Variants in ADAMTS2 observed in about 807,000 individuals in gnomAD.
The protein encoded by ADAMTS2 is ADAM metallopeptidase with thrombospondin type 1 motif 2, also known as A disintegrin and metalloproteinase with thrombospondin motifs 2.
In ADAMTS2, 50 loss-of-function variants were observed where a neutral mutation model predicts 123.0. The observed-to-expected ratio is 0.41, with a 90% confidence interval of 0.32 to 0.51. The LOEUF (loss-of-function observed/expected upper bound fraction) is 0.51. Among genes scored for constraint, ADAMTS2 ranks in the 20% least tolerant of loss-of-function variants. The pLI, the probability that ADAMTS2 is intolerant of heterozygous loss-of-function variation, is 0.35. For missense variants in ADAMTS2, 1,494 were observed against 1,705.2 expected, an observed-to-expected ratio of 0.88 and a Z score of 2.18; for synonymous variants, 678 against 695.4, an observed-to-expected ratio of 0.98 and a Z score of 0.39.
chr5:179,279,679 C>T (rs1259163554), intron 2 of ADAMTS2, among the ~76,000 whole-genome samples: 1 of 152,244 alleles, frequency 6.6e-6, no homozygotes, highest in Non-Finnish European at 1.5e-5. Flanking sequence ...GGACCCCTCA[C>T]TACTGAACAG....
chr5:179,158,598 TG>T lies in ADAMTS2; in HGVS notation c.1132+124del. On this transcript the variant is annotated intron_variant, in intron 6 of 21. Coordinates refer to ENST00000251582, the MANE Select transcript of ADAMTS2 (RefSeq NM_014244.5). This position sits in a 1 kb window ranked among gnomAD's most constrained non-coding sequence, Gnocchi z 5.0. ...GCCCCACACCCTCACCCAGCTAAGG[TG>T]GCCACGGCCTTCCCTGCCCTGACAC... 1 of 1,294,562 alleles carries T rather than the reference TG, an allele frequency of 7.7e-7. No homozygotes were observed. Among genetic ancestry groups the T allele is most frequent in the Non-Finnish European group, 1.1e-6 (1 of 906,932 alleles). 80.2% of individuals were successfully genotyped at this position (1,294,562 alleles called of 1,614,324 possible). A position where few individuals can be genotyped will look rare whatever the true frequency, so the allele number is the denominator to read the frequency against.
In ADAMTS2 at chr5:179,242,818, T is replaced by C. The variant is rs1309005132; in HGVS notation, c.688+30093A>G. The stretch of plus-strand genomic sequence containing the variant: ...ATAGATGGGCCACCAGCGTTTCTCA[T>C]CATCTCCAACTCCCAGTGACAGAGG... On this transcript the variant is annotated intron_variant, in intron 3 of 21. Transcript: ENST00000251582. This position sits in a 1 kb window ranked among gnomAD's most constrained non-coding sequence, Gnocchi z 4.2. 1.3e-5 allele frequency among the ~76,000 whole-genome samples: 2 copies of C among 152,092 alleles called. No homozygotes were observed. The highest frequency in any genetic ancestry group is 2.4e-5 in the African/African-American group (1 of 41,410).
chr5:179,166,160 C>A (rs1206576528), intron 5 of ADAMTS2, among the ~76,000 whole-genome samples: 1 of 152,168 alleles, frequency 6.6e-6, no homozygotes, highest in Non-Finnish European at 1.5e-5. Flanking sequence ...CACATGGAGA[C>A]CCTCCTTGCT....
intron 2 of ADAMTS2, among the ~76,000 whole-genome samples, chr5:179,331,990 G>A (rs1336069025): frequency 1.3e-5 from 2 of 152,338 alleles, no homozygotes. Flanking sequence ...GCAAGTTCCA[G>A]CTTTCCACCT....
Position 179,262,959 on chromosome 5 carries a change from C to G in ADAMTS2, c.688+9952G>C, listed in dbSNP as rs1194296570. Among the ~76,000 whole-genome samples the G allele has an allele frequency of 6.6e-6, 1 of 152,218 alleles. No individual in the cohort carries two copies. Among genetic ancestry groups the G allele is most frequent in the Non-Finnish European group, 1.5e-5 (1 of 68,042 alleles). On this transcript the variant is annotated intron_variant, in intron 3 of 21. Transcript: ENST00000251582. The surrounding 1 kb of genome is among the most constrained non-coding windows in gnomAD (Gnocchi z 5.9). ...TGCCCTCTCTGAGCCTCAGTCTCCCCCTAAGCAGTAGAGCTGCTAATGCTA... is the reference window on the plus strand; with the variant it reads ...TGCCCTCTCTGAGCCTCAGTCTCCCGCTAAGCAGTAGAGCTGCTAATGCTA...
At position 179,197,546 on chromosome 5, in the gene ADAMTS2, T is replaced by G. The variant is rs1238790149; in HGVS notation, c.891+9967A>C. On this transcript the variant is annotated intron_variant, in intron 4 of 21. Transcript: ENST00000251582. This position sits in a 1 kb window ranked among gnomAD's most constrained non-coding sequence, Gnocchi z 4.2. Reference sequence around the variant, plus strand: ...AGGTGATTGAGTCCACCATGCAGCATAGCATGAACCTGTCTCTAAAACAAA... The same window carrying G: ...AGGTGATTGAGTCCACCATGCAGCAGAGCATGAACCTGTCTCTAAAACAAA... Among the ~76,000 whole-genome samples the G allele has an allele frequency of 6.6e-6, 1 of 152,068 alleles. No homozygotes were observed. Among genetic ancestry groups the G allele is most frequent in the Non-Finnish European group, 1.5e-5 (1 of 68,012 alleles).
chr5:179,146,864 T>G (rs1489200829), intron 10 of ADAMTS2, among the ~76,000 whole-genome samples: 2 of 152,248 alleles, frequency 1.3e-5, no homozygotes, highest in African/African-American at 2.4e-5. Flanking sequence ...AAGGTATATT[T>G]GATACATATA....
chr5:179,133,363 G>A (rs537664428), intron 13 of ADAMTS2, among the ~76,000 whole-genome samples: 13 of 152,082 alleles, frequency 8.5e-5, no homozygotes, highest in South Asian at 2.1e-4. Flanking sequence ...TGCCTCCTGG[G>A]TTCAAGCAAT....
intron 8 of ADAMTS2, 128 bp downstream of exon 8, chr5:179,153,921 C>T (rs931142865): frequency 3.8e-6 from 5 of 1,319,090 alleles, no homozygotes; most frequent in East Asian, 2.5e-5. Context: ...CCTCTCTCCT[C>T]CCCCGCACAC....
At chr5:179,343,206 G>T (rs534149783) in intron 2 of ADAMTS2, among the ~76,000 whole-genome samples, 1 of 152,316 alleles carries the variant, frequency 6.6e-6, no homozygotes, top group South Asian at 2.1e-4. Context: ...TTACCCGCAC[G>T]CAAGGAAACA....
At chr5:179,193,246 CT>C (rs1764347710) in intron 4 of ADAMTS2, among the ~76,000 whole-genome samples, 1 of 152,230 alleles carries the variant, frequency 6.6e-6, no homozygotes, top group South Asian at 2.1e-4. Flanking sequence ...GGCTGGGGCT[CT>C]TCCCAGACAT....
rs902404804 is a variant in ADAMTS2, at chr5:179,188,511, T to C, written c.892-7356A>G. Among the ~76,000 whole-genome samples, 3 of 152,144 alleles carry C rather than the reference T, an allele frequency of 2.0e-5. No homozygotes were observed. Among genetic ancestry groups the C allele is most frequent in the Admixed American group, 2.0e-4 (3 of 15,274 alleles). ...CTTATCATGAGAATCAACGTTCCCATTGCAGATCTTCTTCACCCTCGGCTC... is the reference window on the plus strand; with the variant it reads ...CTTATCATGAGAATCAACGTTCCCACTGCAGATCTTCTTCACCCTCGGCTC... On this transcript the variant is annotated intron_variant, in intron 4 of 21. Transcript: ENST00000251582. This position sits in a 1 kb window ranked among gnomAD's most constrained non-coding sequence, Gnocchi z 5.1.
intron 2 of ADAMTS2, among the ~76,000 whole-genome samples, chr5:179,334,086 C>A (rs1043725529): frequency 6.6e-6 from 1 of 152,122 alleles, no homozygotes; most frequent in African/African-American, 2.4e-5. Flanking sequence ...AGAAACTGGA[C>A]AGAGGGAGGG....
At chr5:179,315,150 A>T (rs1756952862) in intron 2 of ADAMTS2, among the ~76,000 whole-genome samples, 1 of 140,412 alleles carries the variant, frequency 7.1e-6, no homozygotes, top group African/African-American at 2.7e-5. Flanking sequence ...CCTGCCTCAG[A>T]CCCTCCCACC....
chr5:179,245,796 C>CAAACAAAAA (rs1765788070), intron 3 of ADAMTS2, among the ~76,000 whole-genome samples: 1 of 73,784 alleles, frequency 1.4e-5, no homozygotes, highest in African/African-American at 5.0e-5. Flanking sequence ...AAAAAAAAAA[C>CAAACAAAAA]AAAAAAAACA....
At chr5:179,206,811 G>C (rs1764708835) in intron 4 of ADAMTS2, among the ~76,000 whole-genome samples, 2 of 152,206 alleles carry the variant, frequency 1.3e-5, no homozygotes, top group Non-Finnish European at 2.9e-5. Context: ...TAGGTTGTTG[G>C]GGGTATGGAA....
chr5:179,300,696 T>A (rs929770), intron 2 of ADAMTS2, among the ~76,000 whole-genome samples: 4,076 of 152,178 alleles, frequency 0.027, 74 homozygotes, highest in Middle Eastern at 0.065. Context: ...TAAATCCCCT[T>A]ATAAAGGAGG....
intron 2 of ADAMTS2, among the ~76,000 whole-genome samples, chr5:179,330,498 C>T (rs1026849982): frequency 2.0e-5 from 3 of 152,230 alleles, no homozygotes; most frequent in African/African-American, 4.8e-5. Context: ...TTTTAATGTC[C>T]CTAGTCCCGA....
chr5:179,162,402 G>A lies in ADAMTS2; in HGVS notation c.976-3523C>T, dbSNP rs1049915692. ...GCTGGAGCCCCCCTGCACTACAGGA[G>A]ACCCCCCACCAAGGATTAAAGGAGG... On this transcript the variant is annotated intron_variant, in intron 5 of 21. Coordinates refer to ENST00000251582, the MANE Select transcript of ADAMTS2 (RefSeq NM_014244.5). This position sits in a 1 kb window ranked among gnomAD's most constrained non-coding sequence, Gnocchi z 5.1. 3.3e-4 allele frequency among the ~76,000 whole-genome samples: 50 copies of A among 152,262 alleles called. No individual in the cohort carries two copies. The highest frequency in any genetic ancestry group is 4.0e-4 in the Non-Finnish European group (27 of 68,010).
Sources: gnomAD v4.1 joint callset for allele counts (sites outside exome capture counted in the v4.1 genomes callset) on GRCh38, gnomAD v4.1.1 for gene constraint, Gnocchi (gnomAD v3.1) non-coding constraint, MANE v1.5 for transcripts, NCBI Gene and HGNC (gene_info 2026-07-23, HGNC 2026-07-21) for gene names.